GALNT13: variants seen among roughly 807,000 people sequenced by gnomAD.
The protein encoded by GALNT13 is polypeptide N-acetylgalactosaminyltransferase 13, also known as UDP-GalNAc:polypeptide N-acetylgalactosaminyltransferase 13.
A neutral mutation model predicts 64.2 loss-of-function variants in GALNT13; 28 were observed. The ratio of observed to expected loss-of-function variants is 0.44; its 90% CI spans 0.32 to 0.60. The LOEUF is 0.60. Ranked by LOEUF, GALNT13 falls within the 20% of genes least tolerant of loss-of-function variation. The probability of loss-of-function intolerance (pLI) is 0.05; values close to 1 mark genes in which losing one functional copy is unlikely to be tolerated. For synonymous variants in GALNT13, 214 were observed against 224.6 expected (o/e 0.95, Z 0.42); for missense variants, 577 against 669.8 (o/e 0.86, Z 1.53).
chr2:153,707,899 C>A, the GALNT13 span, among the ~76,000 whole-genome samples: 1 of 152,114 alleles, frequency 6.6e-6, no homozygotes, highest in Non-Finnish European at 1.5e-5. Flanking sequence ...GAATGCCTAA[C>A]CTCAAGCAAG....
chr2:153,884,793 G>GTATA (rs368640974), intron 1 of GALNT13, among the ~76,000 whole-genome samples: 2 of 59,826 alleles, frequency 3.3e-5, no homozygotes, highest in South Asian at 1.5e-3. Context: ...ATATGTGTGT[G>GTATA]TATATATATA....
At chr2:153,771,149 G>A in the GALNT13 span, among the ~76,000 whole-genome samples, 2 of 152,118 alleles carry the variant, frequency 1.3e-5, no homozygotes, top group African/African-American at 4.8e-5. Flanking sequence ...AGCAATGATT[G>A]GAAAAACTGC....
At chr2:153,080,709 G>A in the GALNT13 span, among the ~76,000 whole-genome samples, 1 of 152,034 alleles carries the variant, frequency 6.6e-6, no homozygotes, top group Non-Finnish European at 1.5e-5. Context: ...ATTAGGAGAG[G>A]TGTGTTAAAT....
At chr2:153,277,925 TTC>T in the GALNT13 span, among the ~76,000 whole-genome samples, 3,716 of 80,598 alleles carry the variant, frequency 0.046, 890 homozygotes, top group African/African-American at 0.15. Context: ...TTTCTTTTCT[TTC>T]TTTTTTTTTT....
Position 154,057,220 on chromosome 2 carries a change from G to A in GALNT13, c.143-83117G>A, listed in dbSNP as rs371358765. Among the ~76,000 whole-genome samples the A allele has an allele frequency of 5.2e-3, 785 of 151,990 alleles. 6 individuals are homozygous for A. Among genetic ancestry groups the A allele is most frequent in the African/African-American group, 8.7e-3 (362 of 41,462 alleles). On this transcript the variant is annotated intron_variant, in intron 3 of 12. Transcript: ENST00000392825. ...AATTTTTTGTATTTTTAGTAGAGAC[G>A]GGGTTTCACCATGTTAGCCAGGATG...
the GALNT13 span, among the ~76,000 whole-genome samples, chr2:153,634,710 C>T: frequency 2.6e-5 from 4 of 151,410 alleles, no homozygotes; most frequent in Non-Finnish European, 5.9e-5. Flanking sequence ...ACCATCACAC[C>T]CGGCTAATTT....
chr2:153,418,225 ACAAGC>A, the GALNT13 span, among the ~76,000 whole-genome samples: 1 of 152,208 alleles, frequency 6.6e-6, no homozygotes, highest in Admixed American at 6.5e-5. Flanking sequence ...GAAGGGAGGC[ACAAGC>A]CAAGGAATTC....
chr2:153,217,315 G>T, the GALNT13 span, among the ~76,000 whole-genome samples: 2 of 151,900 alleles, frequency 1.3e-5, no homozygotes, highest in African/African-American at 4.8e-5. Flanking sequence ...TCATAAACTT[G>T]CCATGACTCT....
At chr2:153,818,304 T>C in the GALNT13 span, among the ~76,000 whole-genome samples, 1 of 152,118 alleles carries the variant, frequency 6.6e-6, no homozygotes, top group African/African-American at 2.4e-5. Context: ...AGGTCTTGGA[T>C]CCCTAAGCAG....
At chr2:153,463,804 C>T in the GALNT13 span, among the ~76,000 whole-genome samples, 3 of 152,076 alleles carry the variant, frequency 2.0e-5, no homozygotes, top group South Asian at 2.1e-4. Flanking sequence ...CAAGAGCATG[C>T]GCTGTAATAG....
At chr2:153,586,984 C>A in the GALNT13 span, among the ~76,000 whole-genome samples, 1 of 152,164 alleles carries the variant, frequency 6.6e-6, no homozygotes, top group South Asian at 2.1e-4. Context: ...GTAATATTAA[C>A]AATTTGGGAG....
At chr2:153,521,626 A>G in the GALNT13 span, among the ~76,000 whole-genome samples, 2 of 152,182 alleles carry the variant, frequency 1.3e-5, no homozygotes, top group Non-Finnish European at 2.9e-5. Context: ...GCATAATGAC[A>G]TGTACCCACT....
rs1432235044 is a variant in GALNT13 at position 153,972,507 on chromosome 2, A to G, written c.142+27868A>G. Among the ~76,000 whole-genome samples the G allele has an allele frequency of 1.3e-5, 2 of 152,198 alleles. 1 individual carries two copies. Among genetic ancestry groups the G allele is most frequent in the South Asian group, 4.1e-4 (2 of 4,826 alleles). On this transcript the variant is annotated intron_variant, in intron 3 of 12. Coordinates refer to ENST00000392825, the MANE Select transcript of GALNT13 (RefSeq NM_052917.4). ...CCCTTATTAGAAAAACAATAACTAC[A>G]TATTGAGAATGTATAACATTTACCA...
At chr2:154,448,131 C>T (rs1191084034) in intron 12 of GALNT13, among the ~76,000 whole-genome samples, 1 of 152,046 alleles carries the variant, frequency 6.6e-6, no homozygotes, top group Non-Finnish European at 1.5e-5. Flanking sequence ...GTAACAACTC[C>T]ATAGGCCTAG....
the GALNT13 span, among the ~76,000 whole-genome samples, chr2:153,269,184 A>ATTT: frequency 1.4e-5 from 2 of 147,674 alleles, no homozygotes; most frequent in Non-Finnish European, 3.1e-5. Context: ...TACTTTTTTA[A>ATTT]AAAAAATAAA....
At chr2:154,295,348 T>TTTTATTTATTTATTTATTTATTTATTTA (rs10530260) in intron 8 of GALNT13, among the ~76,000 whole-genome samples, 1 of 142,222 alleles carries the variant, frequency 7.0e-6, no homozygotes, top group African/African-American at 2.6e-5. Context: ...ATTCTTTTTA[T>TTTTATTTATTTATTTATTTATTTATTTA]TTTATTTATT....
At chr2:154,261,424 A>G (rs1270767394) in intron 8 of GALNT13, among the ~76,000 whole-genome samples, 1 of 152,084 alleles carries the variant, frequency 6.6e-6, no homozygotes, top group Non-Finnish European at 1.5e-5. Flanking sequence ...TGTGACATGA[A>G]TATGTTTGCT....
At chr2:153,142,327 A>G in the GALNT13 span, among the ~76,000 whole-genome samples, 278 of 152,172 alleles carry the variant, frequency 1.8e-3, 2 homozygotes, top group African/African-American at 6.4e-3. Context: ...CCCAGTGCCC[A>G]GTGGGATTGC....
chr2:154,066,153 G>A (rs1371656522), intron 3 of GALNT13, among the ~76,000 whole-genome samples: 4 of 152,090 alleles, frequency 2.6e-5, no homozygotes, highest in Non-Finnish European at 5.9e-5. Context: ...CTTGAAGGCA[G>A]GCTATTTGAA....
Sources: gnomAD v4.1 joint callset for allele counts (sites outside exome capture counted in the v4.1 genomes callset) on GRCh38, gnomAD v4.1.1 for gene constraint, MANE v1.5 for transcripts, NCBI Gene and HGNC (gene_info 2026-07-23, HGNC 2026-07-21) for gene names.